DNM3: variants seen among roughly 807,000 people sequenced by gnomAD.
DNM3 encodes dynamin-3.
Under a neutral mutation model 101.6 loss-of-function variants are expected in DNM3, and 47 were observed. That is an observed-to-expected ratio of 0.46 (90% CI 0.37 to 0.59). The LOEUF (loss-of-function observed/expected upper bound fraction) is 0.59. DNM3 is among the 20% of genes least tolerant of loss of function. The pLI is 0.00. For synonymous variants in DNM3, 385 were observed against 387.9 expected (o/e 0.99, Z 0.09); for missense variants, 849 against 1,085.7 (o/e 0.78, Z 3.06).
chr1:172,326,465 G>A (rs1460229495), intron 17 of DNM3, among the ~76,000 whole-genome samples: 1 of 152,110 alleles, frequency 6.6e-6, no homozygotes, highest in African/African-American at 2.4e-5. Context: ...AAACAGGGAG[G>A]TTATTTTGTT....
At chr1:172,269,039 A>C (rs912222353) in intron 15 of DNM3, among the ~76,000 whole-genome samples, 3 of 152,160 alleles carry the variant, frequency 2.0e-5, no homozygotes, top group African/African-American at 7.2e-5. Flanking sequence ...CAGCAACTTC[A>C]GTTGCTTTCT....
Position 172,379,186 on chromosome 1 carries a change from A to G in DNM3, c.2058+4A>G, listed in dbSNP as rs1220022013. The G allele has an allele frequency of 6.3e-7, 1 of 1,598,030 alleles. No homozygotes were observed. The highest frequency in any genetic ancestry group is 8.5e-7 in the Non-Finnish European group (1 of 1,171,046). On this transcript the variant is annotated splice_donor_region_variant and intron_variant, in intron 18 of 20. Transcript: ENST00000627582. Reference sequence around the variant, plus strand: ...AATGCACCTTATGATCAATAACGTAAGTGATTATAAACTACCTCCATTTAA... The same window carrying G: ...AATGCACCTTATGATCAATAACGTAGGTGATTATAAACTACCTCCATTTAA...
intron 1 of DNM3, among the ~76,000 whole-genome samples, chr1:171,890,566 C>T (rs2037178561): frequency 6.6e-6 from 1 of 152,100 alleles, no homozygotes; most frequent in Non-Finnish European, 1.5e-5. Flanking sequence ...TTTTAGGTGT[C>T]AGTTGAATTA....
At chr1:172,066,276 G>A (rs1216435959) in intron 10 of DNM3, among the ~76,000 whole-genome samples, 1 of 151,932 alleles carries the variant, frequency 6.6e-6, no homozygotes, top group Non-Finnish European at 1.5e-5. Flanking sequence ...CCTGAAACTG[G>A]GTATACAGAA....
chr1:172,122,053 C>G (rs914815223), intron 13 of DNM3, among the ~76,000 whole-genome samples: 3 of 152,062 alleles, frequency 2.0e-5, no homozygotes, highest in African/African-American at 7.2e-5. Flanking sequence ...ATGCTGTGTT[C>G]ATTATACATT....
chr1:172,131,012 G>T (rs1395860031), intron 13 of DNM3, among the ~76,000 whole-genome samples, 163 bp from the exon 14 acceptor site: 1 of 152,130 alleles, frequency 6.6e-6, no homozygotes, highest in Non-Finnish European at 1.5e-5. Flanking sequence ...TGCACTTTTG[G>T]AAGATAAATT....
intron 15 of DNM3, among the ~76,000 whole-genome samples, chr1:172,262,604 T>C (rs1376484576): frequency 6.6e-6 from 1 of 152,188 alleles, no homozygotes; most frequent in East Asian, 1.9e-4. Flanking sequence ...CTTTCTTGCT[T>C]TTGGTGCTTC....
At chr1:171,846,989 G>A (rs1014097712) in intron 1 of DNM3, among the ~76,000 whole-genome samples, 1 of 152,112 alleles carries the variant, frequency 6.6e-6, no homozygotes, top group African/African-American at 2.4e-5. Flanking sequence ...CATTCACCCA[G>A]GATCGTATAG....
chr1:171,903,346 C>G (rs908602889), intron 1 of DNM3, among the ~76,000 whole-genome samples: 2 of 151,980 alleles, frequency 1.3e-5, no homozygotes, highest in African/African-American at 4.8e-5. Context: ...ATAGATCTTT[C>G]CTTTGTACTT....
At chr1:172,416,816 G>T (rs1265532695), downstream of DNM3, among the ~76,000 whole-genome samples, 1 of 152,114 alleles carries the variant, frequency 6.6e-6, no homozygotes. Flanking sequence ...CCATTACCTG[G>T]ATCTCTAAAG....
intron 4 of DNM3, among the ~76,000 whole-genome samples, chr1:172,020,733 A>AAAAAG (rs1558433679): frequency 6.6e-6 from 1 of 151,424 alleles, no homozygotes; most frequent in African/African-American, 2.4e-5. Context: ...AAAAAAAAAA[A>AAAAAG]AAAAAAAAAA....
chr1:172,209,918 T>C (rs1258497000), intron 14 of DNM3, among the ~76,000 whole-genome samples: 2 of 152,142 alleles, frequency 1.3e-5, no homozygotes, highest in African/African-American at 4.8e-5. Flanking sequence ...CAAAATGCAC[T>C]AGCAAGTGAT....
chr1:172,056,001 G>A (rs1020562314), intron 10 of DNM3, among the ~76,000 whole-genome samples: 7 of 152,312 alleles, frequency 4.6e-5, no homozygotes, highest in Non-Finnish European at 7.3e-5. Context: ...TGCACGAGCC[G>A]AAGCAGGGTG....
At chr1:172,008,706 A>C (rs1240536978) in intron 4 of DNM3, among the ~76,000 whole-genome samples, 1 of 148,684 alleles carries the variant, frequency 6.7e-6, no homozygotes, top group East Asian at 1.9e-4. Flanking sequence ...ATGGAATTAC[A>C]TGGGCATCTT....
At chr1:172,319,646 G>A (rs1028691657) in intron 16 of DNM3, among the ~76,000 whole-genome samples, 4 of 152,142 alleles carry the variant, frequency 2.6e-5, no homozygotes, top group African/African-American at 9.7e-5. Flanking sequence ...CATCATCACT[G>A]GCCATCAGAG....
intron 1 of DNM3, among the ~76,000 whole-genome samples, chr1:171,856,903 T>C (rs2033666872): frequency 1.3e-5 from 2 of 152,110 alleles, no homozygotes; most frequent in Admixed American, 1.3e-4. Flanking sequence ...CTTTGGAGAG[T>C]CCAAGAAAGA....
intron 4 of DNM3, among the ~76,000 whole-genome samples, chr1:172,002,245 T>C (rs963895741): frequency 6.6e-6 from 1 of 152,006 alleles, no homozygotes; most frequent in African/African-American, 2.4e-5. Flanking sequence ...TATGAAAAAA[T>C]CAGATTAAAA....
rs75576608 is a variant in DNM3, at chr1:172,238,592, T to C, written c.1660-14981T>C. Reference sequence around the variant, plus strand: ...GTTTTGTTATCTTCGTAAGTCAGCATGTATTAAGTACCTGCTAGTATCAGA... The same window carrying C: ...GTTTTGTTATCTTCGTAAGTCAGCACGTATTAAGTACCTGCTAGTATCAGA... On this transcript the variant is annotated intron_variant, in intron 14 of 20. Transcript: ENST00000627582. Among the ~76,000 whole-genome samples, 560 of 152,264 alleles carry C rather than the reference T, an allele frequency of 3.7e-3. 12 individuals carry two copies. The highest frequency in any genetic ancestry group is 0.031 in the East Asian group (159 of 5,176).
intron 2 of DNM3, among the ~76,000 whole-genome samples, chr1:171,961,411 A>G (rs1558332162): frequency 6.6e-6 from 1 of 152,178 alleles, no homozygotes; most frequent in Non-Finnish European, 1.5e-5. Context: ...TTAATATCCC[A>G]TACTGTACTC....
Sources: allele counts gnomAD v4.1 joint callset (sites outside exome capture counted in the v4.1 genomes callset), GRCh38; gene constraint gnomAD v4.1.1; transcripts MANE v1.5; gene names NCBI Gene and HGNC (gene_info 2026-07-23, HGNC 2026-07-21).